Variants in CCBE1 observed in about 807,000 individuals in gnomAD.
CCBE1 encodes the protein collagen and calcium binding EGF domains 1, also known as collagen and calcium-binding EGF domain-containing protein 1.
A neutral mutation model predicts 50.0 loss-of-function variants in CCBE1; 37 were observed. The observed-to-expected ratio is 0.74, with a 90% CI of 0.57 to 0.97. CCBE1 has a LOEUF of 0.97. Among genes scored for constraint, CCBE1 ranks in the 50% least tolerant of loss-of-function variants. The probability of loss-of-function intolerance (pLI) is 0.00; values close to 1 mark genes in which losing one functional copy is unlikely to be tolerated. For missense variants in CCBE1, 538 were observed against 523.8 expected, an observed-to-expected ratio of 1.03 and a Z score of -0.26; for synonymous variants, 234 against 203.7, an observed-to-expected ratio of 1.15 and a Z score of -1.27.
chr18:59,696,626 T>TAC lies in CCBE1; in HGVS notation c.212+1_212+2dup. On this transcript the variant is annotated splice_region_variant and intron_variant, in intron 2 of 10. Transcript: ENST00000439986. Reference sequence around the variant, plus strand: ...GAACAGCCCGCAGAGCCCCCAGGCTTACCTGTAGCATGTGGTGAGCTCGCC... The same window carrying TAC: ...GAACAGCCCGCAGAGCCCCCAGGCTTACACCTGTAGCATGTGGTGAGCTCGCC... The TAC allele has an allele frequency of 6.2e-7, 1 of 1,613,902 alleles. No individual in the cohort carries two copies. Among genetic ancestry groups the TAC allele is most frequent in the South Asian group, 1.1e-5 (1 of 91,074 alleles).
chr18:59,644,087 G>C (rs1006319908), intron 2 of CCBE1, among the ~76,000 whole-genome samples: 1 of 152,168 alleles, frequency 6.6e-6, no homozygotes, highest in African/African-American at 2.4e-5. Context: ...GGGAGGCCCA[G>C]GGGGACAGTT....
At chr18:59,627,957 A>C (rs1410267383) in intron 2 of CCBE1, among the ~76,000 whole-genome samples, 1 of 152,242 alleles carries the variant, frequency 6.6e-6, no homozygotes, top group Non-Finnish European at 1.5e-5. Context: ...TCACGCCCAC[A>C]ATCCGGGTAC....
intron 2 of CCBE1, among the ~76,000 whole-genome samples, chr18:59,633,754 C>A (rs2053882088): frequency 6.6e-6 from 1 of 150,858 alleles, no homozygotes; most frequent in African/African-American, 2.5e-5. Context: ...TAAAATAAAA[C>A]CTATGCATAA....
At chr18:59,644,646 T>C (rs1006674408) in intron 2 of CCBE1, among the ~76,000 whole-genome samples, 1 of 152,238 alleles carries the variant, frequency 6.6e-6, no homozygotes, top group Non-Finnish European at 1.5e-5. Context: ...GATAAAAGTT[T>C]ATTCTAATTA....
intron 2 of CCBE1, among the ~76,000 whole-genome samples, chr18:59,528,313 A>G (rs185246227): frequency 1.3e-5 from 2 of 151,876 alleles, no homozygotes; most frequent in African/African-American, 2.4e-5. Context: ...TTTCAGCTCC[A>G]TCAGATCATT....
intron 2 of CCBE1, among the ~76,000 whole-genome samples, chr18:59,536,464 C>T (rs997689190): frequency 8.5e-5 from 13 of 152,106 alleles, no homozygotes; most frequent in Admixed American, 5.2e-4. Flanking sequence ...TTGGAAATAC[C>T]GAAGACAATT....
intron 2 of CCBE1, among the ~76,000 whole-genome samples, chr18:59,634,671 A>G (rs2053893781): frequency 1.3e-5 from 2 of 152,266 alleles, no homozygotes; most frequent in Admixed American, 1.3e-4. Flanking sequence ...TAAAATAACT[A>G]AATTAGAAAT....
At position 59,453,921 on chromosome 18, in the gene CCBE1, A is replaced by T. The variant is rs529416005; in HGVS notation, c.654+930T>A. Among the ~76,000 whole-genome samples the T allele has an allele frequency of 4.6e-4, 70 of 152,336 alleles. 1 individual carries two copies. The highest frequency in any genetic ancestry group is 1.7e-3 in the African/African-American group (69 of 41,580). On this transcript the variant is annotated intron_variant, in intron 6 of 10. Transcript: ENST00000439986. ...CCCATCCCGGGGCATTACTCACAGC[A>T]GAACGGTGTTACTAGAAATCTGCTA... is the stretch of plus-strand genomic sequence containing the variant.
intron 2 of CCBE1, among the ~76,000 whole-genome samples, chr18:59,643,568 G>T (rs750747150): frequency 2.6e-5 from 4 of 152,206 alleles, no homozygotes; most frequent in Non-Finnish European, 5.9e-5. Context: ...GAAGGCCGAG[G>T]TGGATCACTT....
intron 2 of CCBE1, among the ~76,000 whole-genome samples, chr18:59,602,094 G>C (rs2053441368): frequency 6.7e-6 from 1 of 150,082 alleles, no homozygotes; most frequent in Admixed American, 6.6e-5. Flanking sequence ...GAGACCATTT[G>C]TTATTACAAA....
At chr18:59,497,358 CATACTGAGTAAT>C (rs1454662207) in intron 2 of CCBE1, among the ~76,000 whole-genome samples, 2 of 152,146 alleles carry the variant, frequency 1.3e-5, no homozygotes, top group Non-Finnish European at 2.9e-5. Flanking sequence ...GAGCACAGAT[CATACTGAGTAAT>C]ATACTGAGCA....
chr18:59,612,767 T>C (rs1236945095), intron 2 of CCBE1, among the ~76,000 whole-genome samples: 1 of 151,140 alleles, frequency 6.6e-6, no homozygotes, highest in Non-Finnish European at 1.5e-5. Context: ...CTTGGGTGAC[T>C]TCCTTTCACT....
chr18:59,513,626 G>A (rs1251460005), intron 2 of CCBE1, among the ~76,000 whole-genome samples: 1 of 152,236 alleles, frequency 6.6e-6, no homozygotes, highest in Non-Finnish European at 1.5e-5. Context: ...AACTTTTGGT[G>A]GCAGAGATAG....
intron 2 of CCBE1, among the ~76,000 whole-genome samples, chr18:59,501,318 A>G (rs2143837001): frequency 6.6e-6 from 1 of 152,268 alleles, no homozygotes; most frequent in East Asian, 1.9e-4. Flanking sequence ...ATGGCTTTAG[A>G]GGGGAAGCAC....
intron 2 of CCBE1, among the ~76,000 whole-genome samples, chr18:59,509,395 G>A (rs1051444970): frequency 1.2e-4 from 19 of 152,046 alleles, no homozygotes; most frequent in Admixed American, 1.0e-3. Flanking sequence ...GAATTTTAAT[G>A]ATACTATCTA....
chr18:59,618,226 G>A (rs1367476733), intron 2 of CCBE1, among the ~76,000 whole-genome samples: 1 of 152,062 alleles, frequency 6.6e-6, no homozygotes, highest in African/African-American at 2.4e-5. Context: ...AGGCAGAAGG[G>A]AAACTTGAGG....
At chr18:59,547,082 A>AGGGAGAGAAAGGGAAAGAGG (rs1915727508) in intron 2 of CCBE1, among the ~76,000 whole-genome samples, 13 of 82,710 alleles carry the variant, frequency 1.6e-4, no homozygotes, top group Non-Finnish European at 2.4e-4. Flanking sequence ...GGGGAGAGAA[A>AGGGAGAGAAAGGGAAAGAGG]GGGAGAGAGA....
At chr18:59,589,770 G>A (rs1313561060) in intron 2 of CCBE1, among the ~76,000 whole-genome samples, 6 of 122,244 alleles carry the variant, frequency 4.9e-5, no homozygotes, top group Admixed American at 1.1e-4. Flanking sequence ...CTGCCAGGGC[G>A]ACAGAGCGAG....
intron 2 of CCBE1, among the ~76,000 whole-genome samples, chr18:59,554,601 G>A (rs2144426316): frequency 6.6e-6 from 1 of 152,296 alleles, no homozygotes; most frequent in South Asian, 2.1e-4. Context: ...GAGGCCAGAG[G>A]ACTTGAGATA....
Sources: allele counts gnomAD v4.1 joint callset (sites outside exome capture counted in the v4.1 genomes callset), GRCh38; gene constraint gnomAD v4.1.1; transcripts MANE v1.5; gene names NCBI Gene and HGNC (gene_info 2026-07-23, HGNC 2026-07-21).